COL2A1: variants seen among roughly 807,000 people sequenced by gnomAD.
COL2A1 encodes collagen alpha-1(II) chain.
In COL2A1, 28 loss-of-function variants were observed where a neutral mutation model predicts 204.5. The ratio of observed to expected loss-of-function variants is 0.14; its 90% CI spans 0.10 to 0.19. The LOEUF (loss-of-function observed/expected upper bound fraction) is 0.19, where lower values mean the gene tolerates loss of function less well. COL2A1 is among the 10% of genes least tolerant of loss of function. The pLI is 1.00. For synonymous variants in COL2A1, 708 were observed against 718.7 expected (o/e 0.99, Z 0.24); for missense variants, 1,388 against 2,027.5 (o/e 0.68, Z 6.06).
intron 1 of COL2A1, 122 bp downstream of exon 1, chr12:48,004,115 T>A (rs1002828852): frequency 1.3e-6 from 1 of 743,872 alleles, no homozygotes; most frequent in South Asian, 1.5e-5. Flanking sequence ...GTCGGCGCGC[T>A]ACGACCCCGG....
rs1938830035 is a variant in COL2A1 at position 47,978,216 on chromosome 12, G to A, written c.3003+75C>T. 3 of 1,586,656 alleles carry A rather than the reference G, an allele frequency of 1.9e-6. No homozygotes were observed. Among genetic ancestry groups the A allele is most frequent in the Non-Finnish European group, 2.6e-6 (3 of 1,160,378 alleles). On this transcript the variant is annotated intron_variant, in intron 43 of 53. Transcript: ENST00000380518. This position sits in a 1 kb window ranked among gnomAD's most constrained non-coding sequence, Gnocchi z 5.5. ...GAGAGGGCAGACAAGGGACAGTCCT[G>A]AGGGTGCTGAGGGAGGTAGAAGCCT...
At position 47,995,756 on chromosome 12, in the gene COL2A1, T is replaced by G. The variant is rs368187891; in HGVS notation, c.662A>C (p.Gln221Pro). The G allele has an allele frequency of 1.7e-4, 269 of 1,613,818 alleles. No homozygotes were observed. Among genetic ancestry groups the G allele is most frequent in the Non-Finnish European group, 2.1e-4 (249 of 1,179,940 alleles). Residue 221 changes from glutamine (Q) to proline (P), a missense_variant, in exon 10 of 54, where the codon CAA becomes CCA. Coordinates refer to ENST00000380518, the MANE Select transcript of COL2A1 (RefSeq NM_001844.5). ...TTCACCAGGATTGCCTTGAAATCCT[T>G]GAGGCCCCTAAAAAGTAAAATGAGG... is the stretch of plus-strand genomic sequence containing the variant. ...PPGPAGAPGP[Q>P]GFQGNPGEPG...
At chr12:47,995,438 A>G (rs1565692834) in intron 10 of COL2A1, 130 bp from the exon 11 acceptor site, 1 of 892,176 alleles carries the variant, frequency 1.1e-6, no homozygotes, top group East Asian at 2.4e-5. Flanking sequence ...AGGTCAGAGC[A>G]AAGGTGCAGA....
chr12:47,993,948 C>A (rs768894260), intron 13 of COL2A1, 46 bp downstream of exon 13: 1 of 1,613,210 alleles, frequency 6.2e-7, no homozygotes, highest in Admixed American at 1.7e-5. Context: ...CTTTTCTCTC[C>A]CACCAGGCAT....
chr12:47,983,662 G>C (rs780023565), intron 30 of COL2A1, 21 bp downstream of exon 30: 6 of 1,591,400 alleles, frequency 3.8e-6, no homozygotes, highest in East Asian at 4.6e-5. Flanking sequence ...ACTGCACAGA[G>C]AGCCTGGTCC....
intron 2 of COL2A1, chr12:47,999,673 T>G: frequency 3.0e-6 from 1 of 332,220 alleles, no homozygotes; most frequent in Non-Finnish European, 5.5e-6. Context: ...CATCTGTCCT[T>G]CATGTGTCTT....
upstream of COL2A1, among the ~76,000 whole-genome samples, chr12:48,004,734 C>G (rs1411570231): frequency 1.3e-5 from 2 of 152,084 alleles, no homozygotes; most frequent in African/African-American, 4.8e-5. Context: ...CCCCTGCCCC[C>G]CAAACCCGGG....
At position 47,985,877 on chromosome 12, in the gene COL2A1, C is replaced by G. The variant is rs374593518; in HGVS notation, c.1581+35G>C. The G allele has an allele frequency of 1.1e-5, 17 of 1,566,754 alleles. No homozygotes were observed. In the African/African-American group the frequency reaches 2.2e-4, roughly 20 times the overall value. Reference sequence around the variant, plus strand: ...GGGATACCATGTGACCTCAGCGATGCAGGGAGGGACCCCAGCCCCTCTTCT... The same window carrying G: ...GGGATACCATGTGACCTCAGCGATGGAGGGAGGGACCCCAGCCCCTCTTCT... On this transcript the variant is annotated intron_variant, in intron 24 of 53. Transcript: ENST00000380518.
At chr12:47,992,346 A>G (rs1939745834) in intron 16 of COL2A1, among the ~76,000 whole-genome samples, 1 of 152,184 alleles carries the variant, frequency 6.6e-6, no homozygotes, top group Admixed American at 6.5e-5. Context: ...AGAAGAATAG[A>G]ACCACCTCTC....
chr12:47,995,450 A>G (rs1939909880), intron 10 of COL2A1, 142 bp from the exon 11 acceptor site: 1 of 850,894 alleles, frequency 1.2e-6, no homozygotes, highest in Non-Finnish European at 2.0e-6. Context: ...AGGTGCAGAG[A>G]TCATAGTGGG....
At position 47,976,402 on chromosome 12, in the gene COL2A1, G is replaced by C. The variant is rs892483402; in HGVS notation, c.3489+112C>G. ...CAGTCCTGCCCCCATTACTGAGTGAGGACCCCTGAGCCCACAGCTTCCCCA... is the reference window on the plus strand; with the variant it reads ...CAGTCCTGCCCCCATTACTGAGTGACGACCCCTGAGCCCACAGCTTCCCCA... On this transcript the variant is annotated intron_variant, in intron 49 of 53. Coordinates refer to ENST00000380518, the MANE Select transcript of COL2A1 (RefSeq NM_001844.5). The surrounding 1 kb of genome is among the most constrained non-coding windows in gnomAD (Gnocchi z 4.3). 1 of 1,230,638 alleles carries C rather than the reference G, an allele frequency of 8.1e-7. No homozygotes were observed. Among genetic ancestry groups the C allele is most frequent in the East Asian group, 2.4e-5 (1 of 42,468 alleles). The allele number at this position is 1,230,638 out of a possible 1,614,324, so 76.2% of individuals were successfully genotyped here. A position where few individuals can be genotyped will look rare whatever the true frequency, so the allele number is the denominator to read the frequency against.
Position 47,977,108 on chromosome 12 carries a change from T to C in COL2A1, c.3321A>G (p.Gly1107=). The change falls in exon 47 of 54, where the codon GGA becomes GGG. Residue 1107 remains glycine, a synonymous_variant. Coordinates refer to ENST00000380518, the MANE Select transcript of COL2A1 (RefSeq NM_001844.5). ...AGGACACTTGGATACTCACCTGGATTCCCCGGGCTCCAGCTGGTCCTGAGG... is the reference window on the plus strand; with the variant it reads ...AGGACACTTGGATACTCACCTGGATCCCCCGGGCTCCAGCTGGTCCTGAGG... ...MGPSGPAGAR[G]IQGPQGPRGD... is the part of the protein sequence containing the mutation. 6.2e-7 allele frequency: 1 copy of C among 1,607,390 alleles called. No homozygotes were observed. Among genetic ancestry groups the C allele is most frequent in the African/African-American group, 1.3e-5 (1 of 75,010 alleles).
At position 47,975,260 on chromosome 12, in the gene COL2A1, G is replaced by C. The variant is rs1938642410; in HGVS notation, c.3886+57C>G. On this transcript the variant is annotated intron_variant, in intron 51 of 53. Transcript: ENST00000380518. ...GGGGGCATCTCCTCCCTTGCTGCTA[G>C]GCCTAAGGGATGACTCCCTGCTTCC... 7 of 1,604,292 alleles carry C rather than the reference G, an allele frequency of 4.4e-6. No individual in the cohort carries two copies. The Admixed American group carries it at 8.4e-5, about 19-fold the overall frequency.
Position 47,982,681 on chromosome 12 carries a change from G to T in COL2A1, c.2194-72C>A, listed in dbSNP as rs1939163655. 6.8e-6 allele frequency: 9 copies of T among 1,325,908 alleles called. No homozygotes were observed. The East Asian group carries it at 1.7e-4, about 24-fold the overall frequency. The allele number at this position is 1,325,908 out of a possible 1,614,324, so 82.1% of individuals were successfully genotyped here. ...CTGAACCCATGTTCATGGAGCCTGG[G>T]TAACCAGGGCCCCAAACCCCTCTTC... On this transcript the variant is annotated intron_variant, in intron 33 of 53. Coordinates refer to ENST00000380518, the MANE Select transcript of COL2A1 (RefSeq NM_001844.5).
At chr12:47,999,409 G>A (rs1940123478) in intron 2 of COL2A1, among the ~76,000 whole-genome samples, 1 of 152,184 alleles carries the variant, frequency 6.6e-6, no homozygotes, top group African/African-American at 2.4e-5. Context: ...TAGCAGAGAG[G>A]AAACTACCAC....
At position 47,980,048 on chromosome 12, in the gene COL2A1, C is replaced by T; in HGVS notation, c.2640G>A (p.Val880=). Residue 880 remains valine, a synonymous_variant, in exon 40 of 54, where the codon GTG becomes GTA. Transcript: ENST00000380518. The surrounding 1 kb of genome is among the most constrained non-coding windows in gnomAD (Gnocchi z 4.5). Reference sequence around the variant, plus strand: ...CACCTCGGGCTCCTTTAGGACCAGTCACTCCAGTAGGACCCTGGAAAGGAA... The same window carrying T: ...CACCTCGGGCTCCTTTAGGACCAGTTACTCCAGTAGGACCCTGGAAAGGAA... ...GAPGPQGPTG[V]TGPKGARGAQ... is the part of the protein sequence containing the mutation. 1 of 1,555,002 alleles carries T rather than the reference C, an allele frequency of 6.4e-7. No homozygotes were observed. Among genetic ancestry groups the T allele is most frequent in the Non-Finnish European group, 8.7e-7 (1 of 1,149,232 alleles).
At chr12:47,984,301 C>T (rs1358229726) in intron 28 of COL2A1, among the ~76,000 whole-genome samples, 161 bp from the exon 29 acceptor site, 2 of 152,218 alleles carry the variant, frequency 1.3e-5, no homozygotes, top group Non-Finnish European at 2.9e-5. Context: ...CTTCCCAGGC[C>T]CCGTCTTTTC....
In COL2A1 at chr12:48,004,390, G is replaced by C; in HGVS notation, c.-69C>G. 1 of 956,654 alleles carries C rather than the reference G, an allele frequency of 1.0e-6. No homozygotes were observed. Among genetic ancestry groups the C allele is most frequent in the Admixed American group, 2.1e-5 (1 of 47,530 alleles). The allele number at this position is 956,654 out of a possible 1,614,324, so 59.3% of individuals were successfully genotyped here. A position where few individuals can be genotyped will look rare whatever the true frequency, so the allele number is the denominator to read the frequency against. On this transcript the variant is annotated 5_prime_UTR_variant, in exon 1 of 54. Transcript: ENST00000380518. ...AGCGAAACGGCAGGAGCACGGCGCG[G>C]GTCCGGGTCTCTACCGCGCCCTCAT...
chr12:48,002,145 G>A (rs1366240441), intron 1 of COL2A1, among the ~76,000 whole-genome samples: 2 of 152,254 alleles, frequency 1.3e-5, no homozygotes, highest in Admixed American at 6.5e-5. Flanking sequence ...ATAAATACGG[G>A]CAGCGTTTCA....
Sources: allele counts gnomAD v4.1 joint callset (sites outside exome capture counted in the v4.1 genomes callset), GRCh38; gene constraint gnomAD v4.1.1; non-coding constraint Gnocchi (gnomAD v3.1); transcripts MANE v1.5; gene names NCBI Gene and HGNC (gene_info 2026-07-23, HGNC 2026-07-21).